The following CBR4 variants were observed in gnomAD, a reference collection of about 807,000 sequenced individuals.
CBR4 encodes 3-oxoacyl-[acyl-carrier-protein] reductase.
CBR4 carries 22 observed loss-of-function variants against 21.0 expected under a neutral mutation model. The ratio of observed to expected loss-of-function variants is 1.05; its 90% CI spans 0.75 to 1.50. CBR4 has a LOEUF of 1.50. Ranked by LOEUF, CBR4 falls within the 40% of genes most tolerant of loss-of-function variation. The pLI, the probability that CBR4 is intolerant of heterozygous loss-of-function variation, is 0.00. For synonymous variants in CBR4, 100 were observed against 104.4 expected (o/e 0.96, Z 0.26); for missense variants, 302 against 286.3 (o/e 1.05, Z -0.40).
chr4:168,976,698 A>C (rs912246326), intron 2 of CBR4, among the ~76,000 whole-genome samples: 4 of 152,226 alleles, frequency 2.6e-5, no homozygotes, highest in African/African-American at 9.6e-5. Context: ...TATCATACGA[A>C]GTACATTCAC....
At chr4:168,990,517 GCCTGGA>G (rs1287727558) in intron 4 of CBR4, among the ~76,000 whole-genome samples, 189 bp from the exon 5 acceptor site, 2 of 152,004 alleles carry the variant, frequency 1.3e-5, no homozygotes, top group Non-Finnish European at 2.9e-5. Flanking sequence ...ACTCACTGCA[GCCTGGA>G]CCTCTGGGGC....
At chr4:168,993,976 G>A (rs1483140709) in intron 4 of CBR4, among the ~76,000 whole-genome samples, 1 of 152,114 alleles carries the variant, frequency 6.6e-6, no homozygotes, top group Non-Finnish European at 1.5e-5. Flanking sequence ...AAAGTCACGT[G>A]CTAAGACCAG....
At chr4:168,972,159 G>C (rs1290222992) in intron 2 of CBR4, among the ~76,000 whole-genome samples, 1 of 151,986 alleles carries the variant, frequency 6.6e-6, no homozygotes, top group Non-Finnish European at 1.5e-5. Flanking sequence ...ATTTATACCA[G>C]TATCATGCTA....
intron 1 of CBR4, chr4:169,009,058 TCA>T (rs1553997192): frequency 1.1e-5 from 3 of 267,366 alleles, no homozygotes; most frequent in African/African-American, 4.9e-5. Flanking sequence ...GGAAGCCCTC[TCA>T]AAAAAAAAAA....
intron 2 of CBR4, among the ~76,000 whole-genome samples, chr4:168,948,223 C>G (rs1395856955): frequency 1.3e-5 from 2 of 151,868 alleles, no homozygotes; most frequent in African/African-American, 4.8e-5. Flanking sequence ...TTTGATGGGA[C>G]TGTTTGTTTT....
intron 2 of CBR4, chr4:168,926,485 T>A: frequency 1.4e-6 from 1 of 711,604 alleles, no homozygotes; most frequent in Non-Finnish European, 2.0e-6. Flanking sequence ...TACCTTTGAC[T>A]ATAAGAAATT....
At chr4:168,933,406 T>C (rs896529151) in intron 2 of CBR4, among the ~76,000 whole-genome samples, 5 of 151,904 alleles carry the variant, frequency 3.3e-5, no homozygotes, top group Admixed American at 2.0e-4. Flanking sequence ...TAAAAAGTGA[T>C]AGAGACAAAG....
At chr4:168,963,895 T>C (rs960965794) in intron 2 of CBR4, among the ~76,000 whole-genome samples, 1 of 152,090 alleles carries the variant, frequency 6.6e-6, no homozygotes, top group African/African-American at 2.4e-5. Flanking sequence ...CAATAAAGAT[T>C]AGCTGGTTGT....
chr4:168,983,611 G>C (rs1400092383), downstream of CBR4, among the ~76,000 whole-genome samples: 1 of 151,912 alleles, frequency 6.6e-6, no homozygotes, highest in East Asian at 1.9e-4. Context: ...TGAAAAAAAA[G>C]AAAACTTTAG....
intron 2 of CBR4, among the ~76,000 whole-genome samples, chr4:168,899,367 C>T (rs1755950410): frequency 6.6e-6 from 1 of 151,936 alleles, no homozygotes; most frequent in Admixed American, 6.6e-5. Context: ...AACAGGAGTA[C>T]ACTTTTCCCT....
intron 2 of CBR4, among the ~76,000 whole-genome samples, chr4:168,961,755 C>T (rs1578942702): frequency 6.6e-6 from 1 of 151,880 alleles, no homozygotes; most frequent in Non-Finnish European, 1.5e-5. Flanking sequence ...CTGGCCATGG[C>T]GAAAGGCGCC....
intron 2 of CBR4, among the ~76,000 whole-genome samples, chr4:168,967,273 G>A (rs958869544): frequency 3.9e-5 from 6 of 151,980 alleles, no homozygotes; most frequent in African/African-American, 7.3e-5. Flanking sequence ...ACCAAACACC[G>A]CATGTTCTCA....
Position 168,905,333 on chromosome 4 carries a change from A to G in CBR4, n.170-10568T>C, listed in dbSNP as rs554040643. 2.7e-5 allele frequency among the ~76,000 whole-genome samples: 4 copies of G among 150,938 alleles called. No individual in the cohort carries two copies. The East Asian group carries it at 7.9e-4, about 30-fold the overall frequency. On this transcript the variant is annotated intron_variant and non_coding_transcript_variant, in intron 2 of 3. Transcript: ENST00000509108. ...CGGCTAATTTTTTTTTATTTTTAGT[A>G]GAGATGGGGTTTCACCATGTTAGCC...
rs536826353 is a variant in CBR4, at chr4:168,953,241, G to A, written n.169+48830C>T. 1.2e-3 allele frequency among the ~76,000 whole-genome samples: 179 copies of A among 151,998 alleles called. 1 individual carries two copies. Among genetic ancestry groups the A allele is most frequent in the African/African-American group, 4.3e-3 (177 of 41,510 alleles). On this transcript the variant is annotated intron_variant and non_coding_transcript_variant, in intron 2 of 3. Transcript: ENST00000509108. The stretch of plus-strand genomic sequence containing the variant: ...GCCTCACTCAGCTCCCACACAATCC[G>A]AAAGGCCGGTCTTACTCCCACCGTG...
Position 168,951,834 on chromosome 4 carries a change from G to A in CBR4, n.169+50237C>T, listed in dbSNP as rs111589411. ...AAAGGTTACCTAGTGCTTTTGTCTC[G>A]TAGCTCTTAAGATTCTTTCCTTCGT... On this transcript the variant is annotated intron_variant and non_coding_transcript_variant, in intron 2 of 3. Transcript: ENST00000509108. Among the ~76,000 whole-genome samples the A allele has an allele frequency of 1.2e-3, 183 of 152,198 alleles. 1 individual carries two copies. Among genetic ancestry groups the A allele is most frequent in the African/African-American group, 3.6e-3 (149 of 41,514 alleles).
rs755499909 is a variant in CBR4, at chr4:168,988,607, T to C, written c.*1543A>G. Reference sequence around the variant, plus strand: ...ACTACATTGAAACCATTCTGAGTGCTGCATTTCCTATATGTGCCTAGACTT... The same window carrying C: ...ACTACATTGAAACCATTCTGAGTGCCGCATTTCCTATATGTGCCTAGACTT... On this transcript the variant is annotated 3_prime_UTR_variant, in exon 5 of 5. Coordinates refer to ENST00000306193, the MANE Select transcript of CBR4 (RefSeq NM_032783.5). 1 of 985,320 alleles carries C rather than the reference T, an allele frequency of 1.0e-6. No individual in the cohort carries two copies. Among genetic ancestry groups the C allele is most frequent in the East Asian group, 1.1e-4 (1 of 8,830 alleles). 61.0% of individuals were successfully genotyped at this position (985,320 alleles called of 1,614,324 possible).
chr4:168,953,643 C>T (rs1011526420), intron 2 of CBR4, among the ~76,000 whole-genome samples: 3 of 151,246 alleles, frequency 2.0e-5, no homozygotes, highest in Non-Finnish European at 4.4e-5. Context: ...AGGTTGGTCT[C>T]GAACTCCTGG....
chr4:168,922,483 C>T (rs1262556161), intron 2 of CBR4, among the ~76,000 whole-genome samples: 1 of 152,150 alleles, frequency 6.6e-6, no homozygotes, highest in East Asian at 1.9e-4. Flanking sequence ...TCTGAATTTT[C>T]CAGGGTCCCA....
chr4:168,903,816 A>C lies in CBR4; in HGVS notation n.170-9051T>G. 1 of 1,611,872 alleles carries C rather than the reference A, an allele frequency of 6.2e-7. No individual in the cohort carries two copies. Among genetic ancestry groups the C allele is most frequent in the Non-Finnish European group, 8.5e-7 (1 of 1,177,990 alleles). ...CAAAGAGTGATCACTACACCATTCA[A>C]AGAGATCTCGATGGGACCTGCTCCC... On this transcript the variant is annotated intron_variant and non_coding_transcript_variant, in intron 2 of 3. Transcript: ENST00000509108.
Sources: gnomAD v4.1 joint callset for allele counts (sites outside exome capture counted in the v4.1 genomes callset) on GRCh38, gnomAD v4.1.1 for gene constraint, MANE v1.5 for transcripts, NCBI Gene and HGNC (gene_info 2026-07-23, HGNC 2026-07-21) for gene names.